Variants in CPLANE1 observed in about 807,000 individuals in gnomAD.
CPLANE1 encodes ciliogenesis and planar polarity effector complex subunit 1, also known as ciliogenesis and planar polarity effector 1.
A neutral mutation model predicts 362.5 loss-of-function variants in CPLANE1; 263 were observed. That is an observed-to-expected ratio of 0.73 (90% CI 0.66 to 0.80). The LOEUF is 0.80. Ranked by LOEUF, CPLANE1 falls within the 30% of genes least tolerant of loss-of-function variation. The probability of loss-of-function intolerance (pLI) is 0.00; values close to 1 mark genes in which losing one functional copy is unlikely to be tolerated. For synonymous variants in CPLANE1, 1,212 were observed against 1,302.6 expected (o/e 0.93, Z 1.50); for missense variants, 3,461 against 3,793.4 (o/e 0.91, Z 2.30).
At chr5:37,247,520 TTTTA>T in intron 2 of CPLANE1, 94 bp downstream of exon 2, 5 of 1,040,056 alleles carry the variant, frequency 4.8e-6, no homozygotes, top group South Asian at 1.8e-5. Context: ...GTAGATGATG[TTTTA>T]TTTATTTAAG....
chr5:37,140,612 A>C (rs1217252462), intron 44 of CPLANE1: 21 of 985,322 alleles, frequency 2.1e-5, no homozygotes, highest in Non-Finnish European at 2.4e-5. Context: ...CTGCTGGCCT[A>C]TTCACGAAAA....
chr5:37,101,721 G>A (rs142907347), downstream of CPLANE1, among the ~76,000 whole-genome samples: 345 of 152,192 alleles, frequency 2.3e-3, 3 homozygotes, highest in African/African-American at 7.6e-3. Context: ...CTATAAATCC[G>A]TCTGGTCCTG....
intron 42 of CPLANE1, among the ~76,000 whole-genome samples, chr5:37,151,017 T>C (rs1773402043): frequency 6.6e-6 from 1 of 152,192 alleles, no homozygotes; most frequent in African/African-American, 2.4e-5. Context: ...TCTGATAATA[T>C]CCCTTCACTG....
At chr5:37,089,247 G>C in the CPLANE1 span, among the ~76,000 whole-genome samples, 1 of 152,134 alleles carries the variant, frequency 6.6e-6, no homozygotes, top group East Asian at 1.9e-4. Flanking sequence ...CAGCCAAGCA[G>C]AGCACACGCC....
In CPLANE1 at chr5:37,210,895, T is replaced by C. The variant is rs1015090739; in HGVS notation, c.2920+2664A>G. The C allele has an allele frequency of 3.1e-5, 24 of 784,350 alleles. No homozygotes were observed. The African/African-American group carries it at 3.4e-4, about 11-fold the overall frequency. 48.6% of individuals were successfully genotyped at this position (784,350 alleles called of 1,614,324 possible). On this transcript the variant is annotated intron_variant, in intron 16 of 52. Coordinates refer to ENST00000651892, the MANE Select transcript of CPLANE1 (RefSeq NM_001384732.1). Reference sequence around the variant, plus strand: ...CGCAAACAAGCTCTGCACAAACAACTGCAAGATGAAATTGAGCATACTACA... The same window carrying C: ...CGCAAACAAGCTCTGCACAAACAACCGCAAGATGAAATTGAGCATACTACA...
intron 5 of CPLANE1, 107 bp from the exon 6 acceptor site, chr5:37,243,226 G>A: frequency 4.5e-6 from 3 of 664,036 alleles, no homozygotes; most frequent in Non-Finnish European, 7.2e-6. Context: ...AAAATATTGA[G>A]ATCTTGCTTA....
chr5:37,182,754 G>C lies in CPLANE1; in HGVS notation c.5421+6C>G, dbSNP rs777672993. Reference sequence around the variant, plus strand: ...TTTGTAAGTAATAAACAATTGATATGCTTACCTTAATAATGGCATTTTTTG... The same window carrying C: ...TTTGTAAGTAATAAACAATTGATATCCTTACCTTAATAATGGCATTTTTTG... On this transcript the variant is annotated splice_donor_region_variant and intron_variant, in intron 26 of 52. Transcript: ENST00000651892. 26 of 1,547,484 alleles carry C rather than the reference G, an allele frequency of 1.7e-5. No homozygotes were observed. Among genetic ancestry groups the C allele is most frequent in the Non-Finnish European group, 2.1e-5 (24 of 1,128,002 alleles).
the CPLANE1 span, among the ~76,000 whole-genome samples, chr5:37,089,466 A>G: frequency 6.6e-6 from 1 of 152,154 alleles, no homozygotes; most frequent in Non-Finnish European, 1.5e-5. Context: ...GTGGCCTCTG[A>G]AGGGAGAGAA....
At chr5:37,233,211 A>T (rs941077955) in intron 8 of CPLANE1, among the ~76,000 whole-genome samples, 1 of 152,158 alleles carries the variant, frequency 6.6e-6, no homozygotes, top group African/African-American at 2.4e-5. Flanking sequence ...GATACCAGGG[A>T]TCTACAGACT....
intron 6 of CPLANE1, among the ~76,000 whole-genome samples, chr5:37,241,127 C>A (rs546275008): frequency 6.6e-6 from 1 of 151,366 alleles, no homozygotes; most frequent in Non-Finnish European, 1.5e-5. Flanking sequence ...CAGAGTGAGA[C>A]TCTGTCTCAA....
chr5:37,168,062 C>T (rs1003504573), intron 34 of CPLANE1, among the ~76,000 whole-genome samples: 2 of 152,178 alleles, frequency 1.3e-5, no homozygotes, highest in Non-Finnish European at 1.5e-5. Context: ...CATAAAAGTA[C>T]ACCACAGAAT....
intron 49 of CPLANE1, among the ~76,000 whole-genome samples, chr5:37,121,271 A>G (rs1208224474): frequency 6.6e-6 from 1 of 152,194 alleles, no homozygotes; most frequent in East Asian, 1.9e-4. Context: ...AAGAGAGAAG[A>G]TGACACATGG....
chr5:37,230,042 G>C (rs1430203428), intron 9 of CPLANE1, among the ~76,000 whole-genome samples: 1 of 151,966 alleles, frequency 6.6e-6, no homozygotes, highest in East Asian at 1.9e-4. Flanking sequence ...CAGGCATGGT[G>C]GCACATGCCT....
chr5:37,121,812 A>C lies in CPLANE1; in HGVS notation c.9018-28T>G, dbSNP rs746251684. The C allele has an allele frequency of 1.9e-6, 3 of 1,583,060 alleles. No homozygotes were observed. The Admixed American group carries it at 5.0e-5, about 27-fold the overall frequency. On this transcript the variant is annotated intron_variant, in intron 48 of 52. Transcript: ENST00000651892. ...GTAGACAAAGAATTAAGCATCATTT[A>C]TTAAGAGTCACTTTCAGTTCATCTA...
chr5:37,142,449 A>T lies in CPLANE1; in HGVS notation c.8493T>A (p.Asp2831Glu). 6.2e-7 allele frequency: 1 copy of T among 1,605,242 alleles called. No homozygotes were observed. The highest frequency in any genetic ancestry group is 8.5e-7 in the Non-Finnish European group (1 of 1,176,552). Residue 2831 changes from aspartate to glutamate, a missense_variant, in exon 44 of 53, where the codon GAT becomes GAA. By Grantham distance (45) the Asp-to-Glu change is conservative. This residue lies in a region of CPLANE1 where 3,380 missense variants were observed against 3,666.1 expected (regional missense o/e 0.92). Coordinates refer to ENST00000651892, the MANE Select transcript of CPLANE1 (RefSeq NM_001384732.1). ...CTGAAGTCTCCTTTTTGTCACTTTG[A>T]TCTTCTTCATCCATATGGGTCAAAA... is the stretch of plus-strand genomic sequence containing the variant. The part of the protein sequence containing the change: ...VRFLTHMDEE[D>E]QSDKKETSEP...
the CPLANE1 span, among the ~76,000 whole-genome samples, chr5:37,096,821 G>A: frequency 3.3e-5 from 5 of 152,010 alleles, no homozygotes; most frequent in African/African-American, 1.2e-4. Flanking sequence ...CATCACTAAT[G>A]ATCAGGGAAA....
intron 41 of CPLANE1, among the ~76,000 whole-genome samples, chr5:37,156,850 G>A (rs1775255946): frequency 6.6e-6 from 1 of 152,118 alleles, no homozygotes; most frequent in South Asian, 2.1e-4. Flanking sequence ...CTCATTACCT[G>A]GGTGATGCGT....
At chr5:37,210,053 T>C in intron 16 of CPLANE1, 1 of 805,284 alleles carries the variant, frequency 1.2e-6, no homozygotes. Flanking sequence ...TAGGAAAAAT[T>C]AAAATGGAAG....
intron 21 of CPLANE1, among the ~76,000 whole-genome samples, chr5:37,189,580 T>C (rs1784924628): frequency 6.6e-6 from 1 of 152,250 alleles, no homozygotes; most frequent in Non-Finnish European, 1.5e-5. Context: ...GTGACTCATC[T>C]AAAAACATCC....
Sources: gnomAD v4.1 joint callset for allele counts (sites outside exome capture counted in the v4.1 genomes callset) on GRCh38, gnomAD v4.1.1 for gene constraint, gnomAD v4.1.1 regional missense constraint, MANE v1.5 for transcripts, NCBI Gene and HGNC (gene_info 2026-07-23, HGNC 2026-07-21) for gene names.